UBAC2: variants seen among roughly 807,000 people sequenced by gnomAD.
UBAC2 encodes UBA domain containing 2, also known as ubiquitin-associated domain-containing protein 2.
UBAC2 carries 26 observed loss-of-function variants against 44.0 expected under a neutral mutation model. The observed-to-expected ratio is 0.59, with a 90% CI of 0.43 to 0.82. UBAC2 has a LOEUF of 0.82. UBAC2 is among the 40% of genes least tolerant of loss of function. UBAC2 has a pLI of 0.00. For missense variants in UBAC2, 329 were observed against 419.4 expected (o/e 0.78, Z 1.88); for synonymous variants, 155 against 154.3 (o/e 1.00, Z -0.04).
chr13:99,343,738 C>T lies in UBAC2; in HGVS notation c.807+3173C>T, dbSNP rs1189993602. ...CCTGAGCACTTAGCCTCCTGCTGAA[C>T]TTCTTCACTCAGCTGTGTCTCAGTT... On this transcript the variant is annotated intron_variant, in intron 7 of 8. Coordinates refer to ENST00000403766, the MANE Select transcript of UBAC2 (RefSeq NM_001144072.2). 1.3e-5 allele frequency among the ~76,000 whole-genome samples: 2 copies of T among 152,244 alleles called. 1 individual carries two copies. The highest frequency in any genetic ancestry group is 4.1e-4 in the South Asian group (2 of 4,836).
At chr13:99,324,235 C>T (rs773771128) in intron 6 of UBAC2, among the ~76,000 whole-genome samples, 32 of 152,296 alleles carry the variant, frequency 2.1e-4, no homozygotes, top group Non-Finnish European at 3.5e-4. Flanking sequence ...ATATGTTCTG[C>T]CCCTCTCTAC....
chr13:99,233,982 A>C (rs35912802), intron 1 of UBAC2, among the ~76,000 whole-genome samples: 37,550 of 151,598 alleles, frequency 0.25, 5,201 homozygotes, highest in South Asian at 0.37. Context: ...TATTATTATT[A>C]TTATTCTTAT....
chr13:99,350,638 C>G (rs2045070438), intron 7 of UBAC2, among the ~76,000 whole-genome samples: 1 of 152,232 alleles, frequency 6.6e-6, no homozygotes, highest in Non-Finnish European at 1.5e-5. Context: ...TCATCTGTAT[C>G]CCTTGCAATA....
chr13:99,246,830 A>G (rs2043389432), intron 4 of UBAC2, among the ~76,000 whole-genome samples: 1 of 152,212 alleles, frequency 6.6e-6, no homozygotes, highest in South Asian at 2.1e-4. Context: ...TATAAATGTT[A>G]ATTCAGCCAT....
In UBAC2 at chr13:99,317,959, A is replaced by G. The variant is rs551645655; in HGVS notation, c.514-63A>G. 203 of 1,337,914 alleles carry G rather than the reference A, an allele frequency of 1.5e-4. No individual in the cohort carries two copies. The African/African-American group carries it at 2.6e-3, about 17-fold the overall frequency. The allele number at this position is 1,337,914 out of a possible 1,614,324, so 82.9% of individuals were successfully genotyped here. ...TGGTCATGACTATAGTTATGTAAAA[A>G]TAAGTGTGCTGTGACTGGCAGTTGA... On this transcript the variant is annotated intron_variant, in intron 5 of 8. Transcript: ENST00000403766.
At position 99,225,000 on chromosome 13, in the gene UBAC2, A is replaced by G. The variant is rs535451579; in HGVS notation, c.32-13427A>G. ...GGTTTCTGAGATGTGATTTTTGCTC[A>G]TTTTGAGAGGAATACTTAATGGTAA... On this transcript the variant is annotated intron_variant, in intron 1 of 8. Transcript: ENST00000403766. Among the ~76,000 whole-genome samples the G allele has an allele frequency of 1.4e-4, 22 of 152,224 alleles. No homozygotes were observed. In the East Asian group the frequency reaches 3.3e-3, roughly 23 times the overall value.
At chr13:99,347,471 A>G (rs555787119) in intron 7 of UBAC2, among the ~76,000 whole-genome samples, 1 of 152,098 alleles carries the variant, frequency 6.6e-6, no homozygotes, top group South Asian at 2.1e-4. Flanking sequence ...GGGAAGGTCA[A>G]TATCACTCTG....
intron 8 of UBAC2, among the ~76,000 whole-genome samples, chr13:99,381,431 A>G (rs937560147): frequency 6.6e-6 from 1 of 152,242 alleles, no homozygotes; most frequent in African/African-American, 2.4e-5. Flanking sequence ...GGTGCAAAGA[A>G]GCAGCCAGTC....
intron 7 of UBAC2, among the ~76,000 whole-genome samples, chr13:99,354,299 C>T (rs1050748478): frequency 2.0e-5 from 3 of 152,210 alleles, no homozygotes; most frequent in Non-Finnish European, 4.4e-5. Context: ...CCTCCTGCAG[C>T]GGCTCTGGCA....
chr13:99,368,001 A>C, intron 8 of UBAC2, 95 bp downstream of exon 8: 1 of 1,462,470 alleles, frequency 6.8e-7, no homozygotes, highest in South Asian at 1.3e-5. Context: ...TCAAGCGTGT[A>C]AATACAAAGA....
intron 7 of UBAC2, among the ~76,000 whole-genome samples, chr13:99,357,284 A>G (rs1420425987): frequency 6.6e-6 from 1 of 152,230 alleles, no homozygotes; most frequent in Non-Finnish European, 1.5e-5. Context: ...ACACAGCAAC[A>G]AAGTCACCCA....
intron 4 of UBAC2, among the ~76,000 whole-genome samples, chr13:99,246,844 C>G (rs1443082360): frequency 6.6e-6 from 1 of 152,164 alleles, no homozygotes; most frequent in Non-Finnish European, 1.5e-5. Flanking sequence ...CAGCCATCTC[C>G]TGAATGAAAA....
chr13:99,316,671 A>T (rs575459546), intron 5 of UBAC2, among the ~76,000 whole-genome samples: 1 of 152,234 alleles, frequency 6.6e-6, no homozygotes, highest in Non-Finnish European at 1.5e-5. Context: ...GGCAGACATA[A>T]TGGGGACCAC....
intron 1 of UBAC2, among the ~76,000 whole-genome samples, chr13:99,233,333 G>C (rs1014030368): frequency 6.6e-6 from 1 of 152,054 alleles, no homozygotes; most frequent in Non-Finnish European, 1.5e-5. Context: ...GGCTGGTCTT[G>C]AACTCCTGAC....
chr13:99,221,992 A>G (rs1195846684), intron 1 of UBAC2, among the ~76,000 whole-genome samples: 2 of 152,176 alleles, frequency 1.3e-5, no homozygotes, highest in Non-Finnish European at 2.9e-5. Flanking sequence ...TTCTGTATAA[A>G]TCTGAGAAGA....
intron 4 of UBAC2, among the ~76,000 whole-genome samples, chr13:99,307,580 T>C (rs2044354695): frequency 6.6e-6 from 1 of 151,810 alleles, no homozygotes; most frequent in African/African-American, 2.4e-5. Context: ...TTATAGTGAT[T>C]AAAAAAAACT....
chr13:99,288,874 T>G (rs2044054046), intron 4 of UBAC2, among the ~76,000 whole-genome samples: 2 of 152,210 alleles, frequency 1.3e-5, no homozygotes, highest in South Asian at 4.1e-4. Flanking sequence ...CAACATGTAT[T>G]TTTTGGAGCA....
At chr13:99,214,799 A>T (rs546229252) in intron 1 of UBAC2, among the ~76,000 whole-genome samples, 2 of 149,098 alleles carry the variant, frequency 1.3e-5, no homozygotes, top group Non-Finnish European at 3.0e-5. Context: ...TTTCTTTCCA[A>T]CTGGGATGGT....
chr13:99,233,602 G>T (rs1226530878), intron 1 of UBAC2, among the ~76,000 whole-genome samples: 2 of 152,078 alleles, frequency 1.3e-5, no homozygotes, highest in African/African-American at 4.8e-5. Flanking sequence ...GCTTCCACCT[G>T]GACCATCTGA....
Sources: gnomAD v4.1 joint callset for allele counts (sites outside exome capture counted in the v4.1 genomes callset) on GRCh38, gnomAD v4.1.1 for gene constraint, MANE v1.5 for transcripts, NCBI Gene and HGNC (gene_info 2026-07-23, HGNC 2026-07-21) for gene names.